Variants in PEX1 observed in about 807,000 individuals in gnomAD.
The protein encoded by PEX1 is peroxisomal ATPase PEX1.
A neutral mutation model predicts 152.5 loss-of-function variants in PEX1; 97 were observed. That is an observed-to-expected ratio of 0.64 (90% CI 0.54 to 0.75). PEX1 has a LOEUF of 0.75. Among genes scored for constraint, PEX1 ranks in the 30% least tolerant of loss-of-function variants. The probability of loss-of-function intolerance (pLI) is 0.00; values close to 1 mark genes in which losing one functional copy is unlikely to be tolerated. For missense variants in PEX1, 1,357 were observed against 1,516.3 expected (o/e 0.89, Z 1.74); for synonymous variants, 485 against 531.6 (o/e 0.91, Z 1.21).
chr7:92,528,236 G>C, intron 1 of PEX1, 71 bp downstream of exon 1: 1 of 1,535,232 alleles, frequency 6.5e-7, no homozygotes, highest in Non-Finnish European at 8.8e-7. Flanking sequence ...GTGTCCCGCC[G>C]CGTCCCTGAG....
Position 92,511,020 on chromosome 7 carries a change from A to G in PEX1, c.1511T>C (p.Val504Ala). 1 of 1,568,976 alleles carries G rather than the reference A, an allele frequency of 6.4e-7. No homozygotes were observed. The highest frequency in any genetic ancestry group is 8.8e-7 in the Non-Finnish European group (1 of 1,139,926). ...ATCTTTTTCTTTTTCCCAAGAATGA[A>G]CTATACTCAGAGAAAATTCCTTCAG... ...DGLKEFSLSI[V>A]HSWEKEKDKN... The change falls in exon 8 of 24, where the codon GTT (valine) becomes GCT (alanine). Residue 504 changes from valine to alanine, a missense_variant. Transcript: ENST00000248633.
chr7:92,488,193 T>C (rs1422002599), intron 23 of PEX1, among the ~76,000 whole-genome samples: 3 of 152,326 alleles, frequency 2.0e-5, no homozygotes, highest in South Asian at 4.1e-4. Context: ...GACTGCTATA[T>C]AGCAATATGT....
rs1255735264 is a variant in PEX1 at position 92,501,663 on chromosome 7, T to G, written c.2427A>C (p.Leu809Phe). 6.2e-7 allele frequency: 1 copy of G among 1,613,038 alleles called. No individual in the cohort carries two copies. The highest frequency in any genetic ancestry group is 1.7e-5 in the Admixed American group (1 of 59,990). Reference sequence around the variant, plus strand: ...GAGCCTTTTGGAAGTCCAATGTTGTTAAAACTAATTCTGTTTAAAAATAAA... The same window carrying G: ...GAGCCTTTTGGAAGTCCAATGTTGTGAAAACTAATTCTGTTTAAAAATAAA... ...QSISTREKLV[L>F]TTLDFQKALR... The change falls in exon 15 of 24, where the codon TTA becomes TTC. Residue 809 changes from leucine to phenylalanine, a missense_variant. Leu to Phe is a conservative substitution (Grantham distance 22). Coordinates refer to ENST00000248633, the MANE Select transcript of PEX1 (RefSeq NM_000466.3).
rs150474334 is a variant in PEX1 at position 92,516,350 on chromosome 7, G to A, written c.1239+926C>T. ...GCTGAGGCAGGAGAACCACTTGAAC[G>A]TGGGAGGCGGAGGTTGCAGTGAGCC... On this transcript the variant is annotated intron_variant, in intron 5 of 23. Coordinates refer to ENST00000248633, the MANE Select transcript of PEX1 (RefSeq NM_000466.3). 8.2e-3 allele frequency among the ~76,000 whole-genome samples: 1,244 copies of A among 151,850 alleles called. 19 individuals carry two copies. The highest frequency in any genetic ancestry group is 0.028 in the African/African-American group (1,180 of 41,416).
chr7:92,509,268 ACT>A, intron 9 of PEX1, 59 bp downstream of exon 9: 2 of 1,071,902 alleles, frequency 1.9e-6, no homozygotes, highest in Non-Finnish European at 2.9e-6. Flanking sequence ...TACATTGAAA[ACT>A]CTGCCAGATA....
chr7:92,506,260 TAC>T lies in PEX1; in HGVS notation c.1886_1887del (p.Cys629Ter), dbSNP rs1398892633. 9 of 1,588,490 alleles carry T rather than the reference TAC, an allele frequency of 5.7e-6. No homozygotes were observed. Among genetic ancestry groups the T allele is most frequent in the African/African-American group, 1.3e-5 (1 of 74,374 alleles). On this transcript the variant is annotated frameshift_variant, in exon 11 of 24. Transcript: ENST00000248633. LOFTEE classifies it high-confidence loss of function. ...ACCATACTCATACCTCGTAAAGCTT[TAC>T]AGTCAACTCTCTCCACATGGGCATC... ...KLDAHVERVD[C>X]KALRGKRLEN...
chr7:92,497,797 C>T (rs747800249), intron 16 of PEX1, among the ~76,000 whole-genome samples: 9 of 152,206 alleles, frequency 5.9e-5, no homozygotes, highest in South Asian at 4.2e-4. Flanking sequence ...AGACCGGGCA[C>T]GGTGGTTCTC....
rs751341597 is a variant in PEX1, at chr7:92,517,562, T to A, written c.953A>T (p.Asp318Val). ...GGGCTCTACATCAAAATATTCCTGG[T>A]CCCATGGAAATACATGAATGGCACA... ...KHCAIHVFPW[D>V]QEYFDVEPSF... The change falls in exon 5 of 24, where the codon GAC becomes GTC. Residue 318 changes from aspartate to valine, a missense_variant. By Grantham distance (152) the Asp-to-Val change is radical. Transcript: ENST00000248633. 1.2e-6 allele frequency: 2 copies of A among 1,614,036 alleles called. No individual in the cohort carries two copies. Among genetic ancestry groups the A allele is most frequent in the South Asian group, 1.1e-5 (1 of 91,074 alleles).
In PEX1 at chr7:92,515,914, A is replaced by C. The variant is rs556232805; in HGVS notation, c.1239+1362T>G. On this transcript the variant is annotated intron_variant, in intron 5 of 23. Coordinates refer to ENST00000248633, the MANE Select transcript of PEX1 (RefSeq NM_000466.3). ...AAGGCTGAGGCAGGAGAATCATTTGAACCTGGGAGGTGGAGGTTGTAGTGA... is the reference window on the plus strand; with the variant it reads ...AAGGCTGAGGCAGGAGAATCATTTGCACCTGGGAGGTGGAGGTTGTAGTGA... Among the ~76,000 whole-genome samples the C allele has an allele frequency of 6.6e-5, 10 of 151,946 alleles. No homozygotes were observed. The East Asian group carries it at 1.7e-3, about 26-fold the overall frequency.
intron 5 of PEX1, among the ~76,000 whole-genome samples, chr7:92,515,113 A>G (rs1289929064): frequency 1.2e-4 from 6 of 49,404 alleles, no homozygotes; most frequent in African/African-American, 4.3e-4. Context: ...ATATATATAT[A>G]TATATATATC....
chr7:92,513,628 GT>G (rs1456751444), intron 6 of PEX1, among the ~76,000 whole-genome samples: 1 of 152,130 alleles, frequency 6.6e-6, no homozygotes, highest in African/African-American at 2.4e-5. Context: ...GATATAGATA[GT>G]GGTGATGGTT....
intron 17 of PEX1, among the ~76,000 whole-genome samples, chr7:92,495,648 G>A (rs1164360260): frequency 6.6e-6 from 1 of 151,886 alleles, no homozygotes; most frequent in African/African-American, 2.4e-5. Context: ...TATCTTTAGC[G>A]ATGTTTCCCT....
chr7:92,494,434 T>G lies in PEX1; in HGVS notation c.2927-38A>C, dbSNP rs1375733338. 2.5e-6 allele frequency: 4 copies of G among 1,611,002 alleles called. No homozygotes were observed. In the African/African-American group the frequency reaches 5.3e-5, roughly 22 times the overall value. ...AGAACATTTTTTTACCAAAATCTGA[T>G]GACATGATGACATTTTGTTATAACA... On this transcript the variant is annotated intron_variant, in intron 18 of 23. Transcript: ENST00000248633.
Position 92,489,715 on chromosome 7 carries a change from C to CCA in PEX1, c.3633_3634dup (p.Gly1212ValfsTer7). On this transcript the variant is annotated frameshift_variant and splice_region_variant, in exon 22 of 24. Transcript: ENST00000248633. LOFTEE classifies it high-confidence loss of function. ...ATAATGAGGGGGAAAAAGCCATACT[C>CCA]CACTTTGGCTCCGGTATCTGCCTTT... 6.2e-7 allele frequency: 1 copy of CCA among 1,611,924 alleles called. No homozygotes were observed. The highest frequency in any genetic ancestry group is 8.5e-7 in the Non-Finnish European group (1 of 1,177,998).
chr7:92,514,243 TC>T (rs1456066193), intron 5 of PEX1, among the ~76,000 whole-genome samples: 1 of 152,052 alleles, frequency 6.6e-6, no homozygotes, highest in Non-Finnish European at 1.5e-5. Flanking sequence ...CCTAATCACT[TC>T]CCAAAGACCA....
chr7:92,524,087 A>G (rs1181652122), intron 1 of PEX1, among the ~76,000 whole-genome samples: 3 of 151,882 alleles, frequency 2.0e-5, no homozygotes, highest in East Asian at 1.9e-4. Flanking sequence ...ATTCATTTAC[A>G]TGCAATTTTT....
intron 7 of PEX1, 143 bp from the exon 8 acceptor site, chr7:92,511,190 A>G: frequency 1.7e-6 from 1 of 605,930 alleles, no homozygotes; most frequent in Non-Finnish European, 3.0e-6. Context: ...CCCAGGCTGG[A>G]GTGCAGTGGC....
intron 22 of PEX1, 97 bp downstream of exon 22, chr7:92,489,617 A>T: frequency 8.4e-7 from 1 of 1,186,720 alleles, no homozygotes; most frequent in Non-Finnish European, 1.2e-6. Context: ...CTTGTTTATA[A>T]ATATAGCTCG....
chr7:92,521,529 G>C (rs1352533802), intron 2 of PEX1, among the ~76,000 whole-genome samples: 3 of 151,846 alleles, frequency 2.0e-5, no homozygotes, highest in Admixed American at 2.0e-4. Context: ...CCACCTCCCA[G>C]GTTCAAGCAA....
Sources: allele counts gnomAD v4.1 joint callset (sites outside exome capture counted in the v4.1 genomes callset), GRCh38; gene constraint gnomAD v4.1.1; transcripts MANE v1.5; gene names NCBI Gene and HGNC (gene_info 2026-07-23, HGNC 2026-07-21).